ARMC9: variants seen among roughly 807,000 people sequenced by gnomAD.
ARMC9 encodes the protein armadillo repeat containing 9.
In ARMC9, 94 loss-of-function variants were observed where a neutral mutation model predicts 107.0. The ratio of observed to expected loss-of-function variants is 0.88; its 90% CI spans 0.74 to 1.04. The LOEUF (loss-of-function observed/expected upper bound fraction) is 1.04. Among genes scored for constraint, ARMC9 ranks in the 50% least tolerant of loss-of-function variants. The pLI is 0.00. For synonymous variants in ARMC9, 380 were observed against 396.9 expected (o/e 0.96, Z 0.51); for missense variants, 942 against 1,030.1 (o/e 0.91, Z 1.17).
intron 21 of ARMC9, among the ~76,000 whole-genome samples, chr2:231,350,946 CTTTTTTTTTTTTTTT>C (rs770225857): frequency 1.4e-4 from 7 of 50,600 alleles, no homozygotes; most frequent in Non-Finnish European, 1.9e-4. Flanking sequence ...AGTGACAATT[CTTTTTTTTTTTTTTT>C]TTTTTTTTTT....
intron 9 of ARMC9, among the ~76,000 whole-genome samples, chr2:231,246,427 C>T (rs985856213): frequency 2.4e-4 from 37 of 152,182 alleles, no homozygotes; most frequent in Admixed American, 1.3e-4. Context: ...CAGTGTTTAG[C>T]TTCCACTTAG....
intron 20 of ARMC9, among the ~76,000 whole-genome samples, chr2:231,332,677 G>A (rs937572197): frequency 6.6e-6 from 1 of 152,180 alleles, no homozygotes; most frequent in Non-Finnish European, 1.5e-5. Flanking sequence ...GCAGTGCCAG[G>A]GCCCGCAGAT....
At chr2:231,353,250 C>T (rs975630532) in intron 21 of ARMC9, among the ~76,000 whole-genome samples, 3 of 128,972 alleles carry the variant, frequency 2.3e-5, no homozygotes, top group Admixed American at 2.1e-4. Context: ...TGCAGTGGCA[C>T]GATCTCGGCT....
chr2:231,371,401 A>T (rs2046015639), intron 24 of ARMC9, 112 bp from the exon 25 acceptor site: 1 of 1,238,552 alleles, frequency 8.1e-7, no homozygotes, highest in African/African-American at 1.5e-5. Context: ...GACCTGGGAG[A>T]GGGAAGGTTC....
intron 8 of ARMC9, among the ~76,000 whole-genome samples, chr2:231,236,578 C>A (rs573477740): frequency 2.6e-4 from 40 of 152,314 alleles, no homozygotes; most frequent in Non-Finnish European, 5.1e-4. Flanking sequence ...GGGAGGATCA[C>A]TTGAGGCCAG....
intron 3 of ARMC9, among the ~76,000 whole-genome samples, chr2:231,213,378 C>A (rs554366523): frequency 3.9e-4 from 59 of 151,406 alleles, no homozygotes; most frequent in African/African-American, 1.4e-3. Context: ...TGTCCAGGCT[C>A]GTCTTGAGCT....
Position 231,271,021 on chromosome 2 carries a change from G to A in ARMC9, c.1159G>A (p.Val387Met). The change falls in exon 13 of 25, where the codon GTG becomes ATG. Residue 387 changes from valine to methionine, a missense_variant. By Grantham distance (21) the Val-to-Met change is conservative (BLOSUM62 1). Coordinates refer to ENST00000611582, the MANE Select transcript of ARMC9 (RefSeq NM_001352754.2). ...LQLLHSTSDV[V>M]RQYMARLINA... Reference sequence around the variant, plus strand: ...GTTGCTGCACTCCACGAGCGACGTGGTGCGGCAGTACATGGCCAGGCTCAT... The same window carrying A: ...GTTGCTGCACTCCACGAGCGACGTGATGCGGCAGTACATGGCCAGGCTCAT... The A allele has an allele frequency of 6.2e-7, 1 of 1,614,150 alleles. No homozygotes were observed. Among genetic ancestry groups the A allele is most frequent in the Non-Finnish European group, 8.5e-7 (1 of 1,180,040 alleles).
At chr2:231,243,510 A>G (rs1000206486) in intron 9 of ARMC9, among the ~76,000 whole-genome samples, 1 of 152,226 alleles carries the variant, frequency 6.6e-6, no homozygotes, top group Non-Finnish European at 1.5e-5. Context: ...TATCAATACC[A>G]TCTGTCAGGA....
intron 17 of ARMC9, among the ~76,000 whole-genome samples, chr2:231,285,505 G>A (rs1201652596): frequency 6.6e-6 from 1 of 151,904 alleles, no homozygotes; most frequent in Non-Finnish European, 1.5e-5. Context: ...AATTAGCCAG[G>A]TGTGGTGGTG....
intron 18 of ARMC9, among the ~76,000 whole-genome samples, chr2:231,293,498 A>G (rs950764732): frequency 1.3e-5 from 2 of 152,212 alleles, no homozygotes; most frequent in Non-Finnish European, 2.9e-5. Flanking sequence ...GCAGCCAAGA[A>G]GCAGGGTGCA....
At chr2:231,367,351 A>G (rs1181818568) in intron 23 of ARMC9, among the ~76,000 whole-genome samples, 1 of 152,070 alleles carries the variant, frequency 6.6e-6, no homozygotes, top group Non-Finnish European at 1.5e-5. Flanking sequence ...TGACCCTGCA[A>G]CTTGACCTTG....
intron 19 of ARMC9, among the ~76,000 whole-genome samples, chr2:231,326,484 T>A (rs979909654): frequency 2.6e-5 from 4 of 152,252 alleles, no homozygotes; most frequent in African/African-American, 9.6e-5. Flanking sequence ...ATCTGGGGCC[T>A]GCCTCTTATT....
Position 231,226,677 on chromosome 2 carries a change from C to G in ARMC9, c.598-97C>G, listed in dbSNP as rs551493260. 89 of 1,400,268 alleles carry G rather than the reference C, an allele frequency of 6.4e-5. 1 individual carries two copies. The East Asian group carries it at 2.0e-3, about 32-fold the overall frequency. 86.7% of individuals were successfully genotyped at this position (1,400,268 alleles called of 1,614,324 possible). ...CCCGGCTCCGAGAATTCTGTTTCATCATGCTGAGGTGCTTTCTCACATTGG... is the reference window on the plus strand; with the variant it reads ...CCCGGCTCCGAGAATTCTGTTTCATGATGCTGAGGTGCTTTCTCACATTGG... On this transcript the variant is annotated intron_variant, in intron 6 of 24. Coordinates refer to ENST00000611582, the MANE Select transcript of ARMC9 (RefSeq NM_001352754.2).
chr2:231,296,988 G>A (rs988528761), intron 19 of ARMC9, among the ~76,000 whole-genome samples: 3 of 152,158 alleles, frequency 2.0e-5, no homozygotes, highest in Admixed American at 6.5e-5. Flanking sequence ...CATCTATTTT[G>A]GGGGGAGCAT....
intron 9 of ARMC9, among the ~76,000 whole-genome samples, chr2:231,241,657 A>C (rs960676007): frequency 1.3e-5 from 2 of 152,148 alleles, no homozygotes; most frequent in African/African-American, 4.8e-5. Flanking sequence ...CTAATTCTCA[A>C]GTAGATTTGA....
intron 12 of ARMC9, among the ~76,000 whole-genome samples, chr2:231,264,596 C>T (rs557706237): frequency 2.6e-5 from 4 of 152,206 alleles, no homozygotes; most frequent in African/African-American, 9.6e-5. Context: ...CTCCTGGGTT[C>T]GAGCGATTCT....
At chr2:231,353,183 C>A (rs2125589075) in intron 21 of ARMC9, among the ~76,000 whole-genome samples, 1 of 131,688 alleles carries the variant, frequency 7.6e-6, no homozygotes, top group South Asian at 2.1e-4. Flanking sequence ...CCTATTTGCA[C>A]AAAGTGACAA....
Position 231,331,907 on chromosome 2 carries a change from A to G in ARMC9, c.1878+10A>G, listed in dbSNP as rs780303891. On this transcript the variant is annotated intron_variant, in intron 20 of 24. Transcript: ENST00000611582. ...CACGGAGTACCTGGGGGTAAGTGCC[A>G]CACAAAGGGTGGGGATCCTGAAACA... is the stretch of plus-strand genomic sequence containing the variant. The G allele has an allele frequency of 6.2e-7, 1 of 1,602,470 alleles. No individual in the cohort carries two copies. The highest frequency in any genetic ancestry group is 8.5e-7 in the Non-Finnish European group (1 of 1,170,226).
chr2:231,231,707 G>T (rs1162879783), intron 7 of ARMC9, among the ~76,000 whole-genome samples: 3 of 134,446 alleles, frequency 2.2e-5, no homozygotes, highest in Admixed American at 7.3e-5. Context: ...TTTTTTTTTT[G>T]AGATGAAGTC....
Sources: gnomAD v4.1 joint callset for allele counts (sites outside exome capture counted in the v4.1 genomes callset) on GRCh38, gnomAD v4.1.1 for gene constraint, MANE v1.5 for transcripts, NCBI Gene and HGNC (gene_info 2026-07-23, HGNC 2026-07-21) for gene names.